Variants in MPRIP observed in about 807,000 individuals in gnomAD.
MPRIP encodes the protein myosin phosphatase Rho-interacting protein.
A neutral mutation model predicts 234.9 loss-of-function variants in MPRIP; 59 were observed. The ratio of observed to expected loss-of-function variants is 0.25; its 90% confidence interval spans 0.20 to 0.31. The LOEUF is 0.31. Ranked by LOEUF, MPRIP falls within the 10% of genes least tolerant of loss-of-function variation. The pLI is 1.00. For synonymous variants in MPRIP, 1,144 were observed against 1,263.9 expected, an observed-to-expected ratio of 0.91 and a Z score of 2.01; for missense variants, 2,436 against 3,071.0, an observed-to-expected ratio of 0.79 and a Z score of 4.89.
rs547245499 is a variant in MPRIP at position 17,097,055 on chromosome 17, G to A, written c.267+18979G>A. On this transcript the variant is annotated intron_variant, in intron 3 of 23. Coordinates refer to ENST00000651222, the MANE Select transcript of MPRIP (RefSeq NM_001364716.4). Reference sequence around the variant, plus strand: ...AAGAACAATCTAGGAACATTCTGGGGTGTGGAGCAGGAAGGGAGTGTCACA... The same window carrying A: ...AAGAACAATCTAGGAACATTCTGGGATGTGGAGCAGGAAGGGAGTGTCACA... The A allele has an allele frequency of 4.4e-4, 113 of 256,546 alleles. 1 individual carries two copies. The highest frequency in any genetic ancestry group is 2.3e-3 in the African/African-American group (103 of 45,280). The allele number at this position is 256,546 out of a possible 1,614,324, so 15.9% of individuals were successfully genotyped here. A position where few individuals can be genotyped will look rare whatever the true frequency, so the allele number is the denominator to read the frequency against.
chr17:17,058,617 A>G (rs1247619245), intron 1 of MPRIP, among the ~76,000 whole-genome samples: 2 of 152,120 alleles, frequency 1.3e-5, no homozygotes, highest in Non-Finnish European at 1.5e-5. Flanking sequence ...TGCCTCTGTC[A>G]CAGCCCCTCC....
chr17:17,174,797 T>TAA (rs529734070), intron 19 of MPRIP, among the ~76,000 whole-genome samples: 27 of 132,160 alleles, frequency 2.0e-4, no homozygotes, highest in African/African-American at 4.0e-4. Context: ...AGACTCCGTC[T>TAA]AAAAAAAAAA....
intron 3 of MPRIP, among the ~76,000 whole-genome samples, chr17:17,100,650 C>T: frequency 6.6e-6 from 1 of 151,900 alleles, no homozygotes; most frequent in East Asian, 1.9e-4. Flanking sequence ...AGGTTGTGTG[C>T]TCCTTATGAG....
At chr17:17,047,877 G>A (rs1045994550) in intron 1 of MPRIP, among the ~76,000 whole-genome samples, 3 of 152,130 alleles carry the variant, frequency 2.0e-5, no homozygotes, top group Admixed American at 2.0e-4. Flanking sequence ...GCACTCAGGA[G>A]GCTGCATAGA....
intron 1 of MPRIP, among the ~76,000 whole-genome samples, chr17:17,068,253 C>T (rs142838620): frequency 0.027 from 4,144 of 152,126 alleles, 161 homozygotes; most frequent in Admixed American, 0.072. Context: ...CAGGTTCAAG[C>T]GATTCTGCTG....
Position 17,078,149 on chromosome 17 carries a change from T to C in MPRIP, c.267+73T>C. ...CCTCCATTACAGTGCCCTTGCGTTG[T>C]CATGTGAGAGCACAGCAGCCATGTG... On this transcript the variant is annotated intron_variant, in intron 3 of 23. Coordinates refer to ENST00000651222, the MANE Select transcript of MPRIP (RefSeq NM_001364716.4). The surrounding 1 kb of genome is among the most constrained non-coding windows in gnomAD (Gnocchi z 4.3). 1 of 1,486,956 alleles carries C rather than the reference T, an allele frequency of 6.7e-7. No homozygotes were observed. The highest frequency in any genetic ancestry group is 9.4e-7 in the Non-Finnish European group (1 of 1,066,954). The allele number at this position is 1,486,956 out of a possible 1,614,324, so 92.1% of individuals were successfully genotyped here. A position where few individuals can be genotyped will look rare whatever the true frequency, so the allele number is the denominator to read the frequency against.
rs1649211142 is a variant in MPRIP at position 17,167,290 on chromosome 17, G to A, written c.5699G>A (p.Ser1900Asn). The A allele has an allele frequency of 2.3e-6, 3 of 1,303,948 alleles. No individual in the cohort carries two copies. In the South Asian group the frequency reaches 3.7e-5, roughly 16 times the overall value. 80.8% of individuals were successfully genotyped at this position (1,303,948 alleles called of 1,614,324 possible). A position where few individuals can be genotyped will look rare whatever the true frequency, so the allele number is the denominator to read the frequency against. ...EYEELLRKQKSEYLDVIAIVE... is the reference protein window; with the variant it reads ...EYEELLRKQKNEYLDVIAIVE... Reference sequence around the variant, plus strand: ...GAGGAGCTTCTCCGCAAGCAGAAGAGCGAGTACCTGGATGTGATCGCCATT... The same window carrying A: ...GAGGAGCTTCTCCGCAAGCAGAAGAACGAGTACCTGGATGTGATCGCCATT... Residue 1900 changes from serine (S) to asparagine (N), a missense_variant, in exon 16 of 24, where the codon AGC becomes AAC. Coordinates refer to ENST00000651222, the MANE Select transcript of MPRIP (RefSeq NM_001364716.4). The surrounding 1 kb of genome is among the most constrained non-coding windows in gnomAD (Gnocchi z 5.9).
In MPRIP at chr17:17,137,975, G is replaced by A. The variant is rs1257080664; in HGVS notation, c.796G>A (p.Gly266Ser). The A allele has an allele frequency of 8.1e-6, 13 of 1,612,792 alleles. No homozygotes were observed. The highest frequency in any genetic ancestry group is 1.3e-5 in the African/African-American group (1 of 74,968). ...DCGRKVRVES[G>S]YFSLEKTKQD... Reference sequence around the variant, plus strand: ...TGGCCGCAAAGTCCGGGTGGAGAGCGGCTACTTCTCTCTGGAGAAGACCAA... The same window carrying A: ...TGGCCGCAAAGTCCGGGTGGAGAGCAGCTACTTCTCTCTGGAGAAGACCAA... The change falls in exon 7 of 24, where the codon GGC (glycine) becomes AGC (serine). Residue 266 changes from glycine to serine, a missense_variant. Physicochemically the swap from Gly to Ser is moderately conservative, Grantham distance 56. Transcript: ENST00000651222.
chr17:17,120,009 C>G (rs2090358575), intron 3 of MPRIP, among the ~76,000 whole-genome samples: 1 of 152,172 alleles, frequency 6.6e-6, no homozygotes, highest in Non-Finnish European at 1.5e-5. Flanking sequence ...TTGAAATCCC[C>G]TTTCTGACCT....
chr17:17,055,924 G>A (rs1432554826), intron 1 of MPRIP, among the ~76,000 whole-genome samples: 1 of 152,246 alleles, frequency 6.6e-6, no homozygotes, highest in Non-Finnish European at 1.5e-5. Flanking sequence ...AGTCTCAGAA[G>A]GCGGAGTTAA....
intron 7 of MPRIP, among the ~76,000 whole-genome samples, chr17:17,139,763 C>T (rs2090775667): frequency 6.6e-6 from 1 of 152,204 alleles, no homozygotes; most frequent in Non-Finnish European, 1.5e-5. Flanking sequence ...GGAAGCATCT[C>T]CCAGAGATAC....
intron 4 of MPRIP, among the ~76,000 whole-genome samples, chr17:17,131,370 A>G (rs540023148): frequency 4.3e-4 from 66 of 152,306 alleles, no homozygotes; most frequent in African/African-American, 8.4e-4. Flanking sequence ...TACACATCCT[A>G]TGCTCTGAGG....
At chr17:17,126,597 C>A in intron 3 of MPRIP, 105 bp from the exon 4 acceptor site, 1 of 1,331,284 alleles carries the variant, frequency 7.5e-7, no homozygotes, top group Non-Finnish European at 1.0e-6. Context: ...GGAGAGCACT[C>A]CTAGAGGCCC....
intron 1 of MPRIP, among the ~76,000 whole-genome samples, chr17:17,072,849 C>G (rs1046677720): frequency 3.3e-5 from 5 of 152,162 alleles, no homozygotes; most frequent in African/African-American, 9.7e-5. Flanking sequence ...CAGCTGCGCC[C>G]CTGCCCAGAG....
At chr17:17,074,889 A>C (rs1374752783) in intron 1 of MPRIP, among the ~76,000 whole-genome samples, 1 of 152,200 alleles carries the variant, frequency 6.6e-6, no homozygotes, top group Admixed American at 6.5e-5. Flanking sequence ...TCATCTGTCC[A>C]TGGATATTTG....
rs540018022 is a variant in MPRIP at position 17,190,267 on chromosome 17, A to G, written c.*5373A>G. ...AAGGTGAAGGCCACCACTGTTCTCA[A>G]TGCCAAGCAACAGAACGTTCTGAGA... On this transcript the variant is annotated 3_prime_UTR_variant, in exon 24 of 24. Coordinates refer to ENST00000651222, the MANE Select transcript of MPRIP (RefSeq NM_001364716.4). 3 of 152,372 alleles carry G rather than the reference A, an allele frequency of 2.0e-5. No individual in the cohort carries two copies. The highest frequency in any genetic ancestry group is 7.2e-5 in the African/African-American group (3 of 41,580). 9.4% of individuals were successfully genotyped at this position (152,372 alleles called of 1,614,324 possible).
chr17:17,042,734 G>A lies in MPRIP; in HGVS notation c.-115G>A, dbSNP rs1236956452. On this transcript the variant is annotated 5_prime_UTR_variant, in exon 1 of 24. Transcript: ENST00000651222. ...CCGGGAAGGAGGCCGGGCCGGGCCT[G>A]CGGCGGGGCCGGCGAGGGATGCGGC... 22 of 922,796 alleles carry A rather than the reference G, an allele frequency of 2.4e-5. No individual in the cohort carries two copies. In the South Asian group the frequency reaches 7.3e-4, roughly 30 times the overall value. The allele number at this position is 922,796 out of a possible 1,614,324, so 57.2% of individuals were successfully genotyped here.
In MPRIP at chr17:17,165,676, C is replaced by T; in HGVS notation, c.4085C>T (p.Ser1362Phe). The T allele has an allele frequency of 2.3e-6, 3 of 1,305,118 alleles. No individual in the cohort carries two copies. The highest frequency in any genetic ancestry group is 3.0e-6 in the Non-Finnish European group (3 of 989,048). 80.8% of individuals were successfully genotyped at this position (1,305,118 alleles called of 1,614,324 possible). A position where few individuals can be genotyped will look rare whatever the true frequency, so the allele number is the denominator to read the frequency against. The change falls in exon 16 of 24, where the codon TCC becomes TTC. Residue 1362 changes from serine to phenylalanine, a missense_variant. Transcript: ENST00000651222. ...QDRSPSEESM[S>F]SEPAPSVLPA... ...CGGTCACCCTCGGAAGAAAGCATGTCCTCAGAGCCTGCACCCAGTGTACTG... is the reference window on the plus strand; with the variant it reads ...CGGTCACCCTCGGAAGAAAGCATGTTCTCAGAGCCTGCACCCAGTGTACTG...
At chr17:17,074,500 C>G (rs1285176060) in intron 1 of MPRIP, among the ~76,000 whole-genome samples, 1 of 152,202 alleles carries the variant, frequency 6.6e-6, no homozygotes, top group Non-Finnish European at 1.5e-5. Context: ...ATTCACATAT[C>G]TTAAGATTCA....
Sources: allele counts gnomAD v4.1 joint callset (sites outside exome capture counted in the v4.1 genomes callset), GRCh38; gene constraint gnomAD v4.1.1; non-coding constraint Gnocchi (gnomAD v3.1); transcripts MANE v1.5; gene names NCBI Gene and HGNC (gene_info 2026-07-23, HGNC 2026-07-21).